PROX1: variants seen among roughly 807,000 people sequenced by gnomAD.
The protein encoded by PROX1 is prospero homeobox 1.
A neutral mutation model predicts 58.8 loss-of-function variants in PROX1; 7 were observed. The observed-to-expected ratio is 0.12, with a 90% CI of 0.07 to 0.22. PROX1 has a LOEUF of 0.22. Ranked by LOEUF, PROX1 falls within the 10% of genes least tolerant of loss-of-function variation. The pLI, the probability that PROX1 is intolerant of heterozygous loss-of-function variation, is 1.00. For missense variants in PROX1, 675 were observed against 927.8 expected (o/e 0.73, Z 3.54); for synonymous variants, 350 against 358.3 (o/e 0.98, Z 0.26).
chr1:213,992,512 A>G (rs967791626), intron 1 of PROX1, among the ~76,000 whole-genome samples: 5 of 152,244 alleles, frequency 3.3e-5, no homozygotes, highest in Admixed American at 6.5e-5. Flanking sequence ...ATTGATTTGA[A>G]ATATTCTTTG....
intron 4 of PROX1, among the ~76,000 whole-genome samples, chr1:214,013,675 C>T (rs1571825244): frequency 6.6e-6 from 1 of 152,108 alleles, no homozygotes; most frequent in Non-Finnish European, 1.5e-5. Context: ...AGGAGGTACC[C>T]GACAAGCTGC....
At chr1:214,029,587 A>G (rs1664575306) in intron 4 of PROX1, 1 of 152,240 alleles carries the variant, frequency 6.6e-6, no homozygotes, top group African/African-American at 2.4e-5. Flanking sequence ...ACAGGGACAA[A>G]AAGTAACTTT....
At chr1:213,991,174 T>C (rs1000409317) in intron 1 of PROX1, among the ~76,000 whole-genome samples, 1 of 152,230 alleles carries the variant, frequency 6.6e-6, no homozygotes, top group African/African-American at 2.4e-5. Flanking sequence ...AGCTAAGGAC[T>C]GTGGCTTGAT....
chr1:213,996,576 C>A lies in PROX1; in HGVS notation c.41C>A (p.Thr14Asn). 2 of 1,614,070 alleles carry A rather than the reference C, an allele frequency of 1.2e-6. No individual in the cohort carries two copies. The highest frequency in any genetic ancestry group is 1.7e-6 in the Non-Finnish European group (2 of 1,180,014). ...HDSTALLSRQ[T>N]KRRRVDIGVK... ...AGCACAGCCCTCTTAAGCCGGCAAA[C>A]CAAGAGGAGAAGAGTTGACATTGGA... Residue 14 changes from threonine to asparagine, a missense_variant, in exon 2 of 5, where the codon ACC becomes AAC. Around this residue, in one of 8 missense-constraint regions of PROX1, gnomAD observed 157 missense variants for 197.8 expected, o/e 0.79. Coordinates refer to ENST00000366958, the MANE Select transcript of PROX1 (RefSeq NM_001270616.2).
intron 4 of PROX1, among the ~76,000 whole-genome samples, chr1:214,017,117 T>A (rs1208230697): frequency 6.6e-6 from 1 of 152,154 alleles, no homozygotes; most frequent in Admixed American, 6.5e-5. Flanking sequence ...ATTATACAGC[T>A]TTCAATAGCA....
chr1:214,033,376 TC>T (rs1327277695), intron 4 of PROX1, among the ~76,000 whole-genome samples: 1 of 152,154 alleles, frequency 6.6e-6, no homozygotes, highest in Non-Finnish European at 1.5e-5. Context: ...GACGGGCAGA[TC>T]ACCTGAGGTT....
At chr1:214,023,450 G>A (rs906459552) in intron 4 of PROX1, among the ~76,000 whole-genome samples, 10 of 151,870 alleles carry the variant, frequency 6.6e-5, no homozygotes, top group East Asian at 1.9e-4. Context: ...TCCACCTCTC[G>A]GGCTCCAGCG....
Position 213,997,833 on chromosome 1 carries a change from C to T in PROX1, c.1298C>T (p.Thr433Ile). Residue 433 changes from threonine (T) to isoleucine (I), a missense_variant, in exon 2 of 5, where the codon ACT becomes ATT. Thr to Ile is a moderately conservative substitution (Grantham distance 89). Around this residue, in one of 8 missense-constraint regions of PROX1, gnomAD observed 403 missense variants for 477.4 expected, o/e 0.84. Transcript: ENST00000366958. The surrounding 1 kb of genome is among the most constrained non-coding windows in gnomAD (Gnocchi z 7.1). The part of the protein sequence containing the change: ...TFGNVQMASS[T>I]DQTEALPLVV... Reference sequence around the variant, plus strand: ...GGCAATGTGCAGATGGCCAGTTCCACTGACCAGACAGAAGCACTGCCCCTG... The same window carrying T: ...GGCAATGTGCAGATGGCCAGTTCCATTGACCAGACAGAAGCACTGCCCCTG... The T allele has an allele frequency of 6.2e-7, 1 of 1,614,224 alleles. No homozygotes were observed. Among genetic ancestry groups the T allele is most frequent in the Non-Finnish European group, 8.5e-7 (1 of 1,180,036 alleles).
chr1:213,997,215 C>A lies in PROX1; in HGVS notation c.680C>A (p.Ala227Asp). ...QQQSFQQLVS[A>D]RKEQKREERR... ...CAGAGTTTCCAGCAGCTGGTTTCAG[C>A]CCGAAAAGAACAGAAGCGAGAGGAG... is the stretch of plus-strand genomic sequence containing the variant. The change falls in exon 2 of 5, where the codon GCC becomes GAC. Residue 227 changes from alanine (A) to aspartate (D), a missense_variant. Coordinates refer to ENST00000366958, the MANE Select transcript of PROX1 (RefSeq NM_001270616.2). The surrounding 1 kb of genome is among the most constrained non-coding windows in gnomAD (Gnocchi z 7.1). The A allele has an allele frequency of 6.2e-7, 1 of 1,612,350 alleles. No individual in the cohort carries two copies. Among genetic ancestry groups the A allele is most frequent in the Non-Finnish European group, 8.5e-7 (1 of 1,179,542 alleles).
intron 3 of PROX1, among the ~76,000 whole-genome samples, chr1:214,008,510 A>T (rs1029012519): frequency 2.0e-5 from 3 of 152,204 alleles, no homozygotes; most frequent in African/African-American, 7.2e-5. Context: ...TCAAAGCCAC[A>T]CTTGGAGGAT....
At chr1:214,007,701 A>T (rs1663765090) in intron 3 of PROX1, among the ~76,000 whole-genome samples, 1 of 152,254 alleles carries the variant, frequency 6.6e-6, no homozygotes, top group South Asian at 2.1e-4. Flanking sequence ...ATACACATAT[A>T]CATATATACA....
At chr1:213,993,370 T>C (rs555698828) in intron 1 of PROX1, among the ~76,000 whole-genome samples, 7 of 152,316 alleles carry the variant, frequency 4.6e-5, no homozygotes, top group Non-Finnish European at 8.8e-5. Flanking sequence ...CAATAATAAT[T>C]GCAGGTGAAA....
Position 213,998,148 on chromosome 1 carries a change from G to C in PROX1, c.1613G>C (p.Cys538Ser). The change falls in exon 2 of 5, where the codon TGT becomes TCT. Residue 538 changes from cysteine to serine, a missense_variant. By Grantham distance (112) the Cys-to-Ser change is moderately radical. This residue lies in a region of PROX1 where 403 missense variants were observed against 477.4 expected (regional missense o/e 0.84). Transcript: ENST00000366958. ...MSSHHLSHHP[C>S]SPAHPPSTAE... ...TCTCACCACCTGAGCCACCACCCTT[G>C]TTCACCAGCACACCCGCCCAGCACC... 1 of 1,614,218 alleles carries C rather than the reference G, an allele frequency of 6.2e-7. No homozygotes were observed. The highest frequency in any genetic ancestry group is 8.5e-7 in the Non-Finnish European group (1 of 1,180,030).
chr1:214,014,395 C>T (rs1164084802), intron 4 of PROX1, among the ~76,000 whole-genome samples: 5 of 152,198 alleles, frequency 3.3e-5, no homozygotes, highest in Non-Finnish European at 7.3e-5. Flanking sequence ...TTTGAAGCTA[C>T]GTCTACACGG....
At chr1:214,034,748 A>G (rs1664774641) in intron 4 of PROX1, among the ~76,000 whole-genome samples, 2 of 152,146 alleles carry the variant, frequency 1.3e-5, no homozygotes, top group Admixed American at 6.5e-5. Flanking sequence ...TGGGGTTCTA[A>G]AATGAATATT....
intron 4 of PROX1, among the ~76,000 whole-genome samples, chr1:214,017,651 C>CA (rs960022085): frequency 6.6e-6 from 1 of 151,744 alleles, no homozygotes; most frequent in Non-Finnish European, 1.5e-5. Context: ...GGCGCACACA[C>CA]AAAAAAATCT....
rs1000387494 is a variant in PROX1 at position 214,011,602 on chromosome 1, G to T, written c.1915G>T (p.Ala639Ser). The change falls in exon 4 of 5, where the codon GCA becomes TCA. Residue 639 changes from alanine (A) to serine (S), a missense_variant. This residue lies in a region of PROX1 where 50 missense variants were observed against 79.3 expected (regional missense o/e 0.63). Transcript: ENST00000366958. ...EFYYIQMEKYARQAINDGVTS... is the reference protein window; with the variant it reads ...EFYYIQMEKYSRQAINDGVTS... Reference sequence around the variant, plus strand: ...TTACTACATTCAGATGGAGAAGTACGCACGTCAAGCCATCAACGATGGGGT... The same window carrying T: ...TTACTACATTCAGATGGAGAAGTACTCACGTCAAGCCATCAACGATGGGGT... 6.2e-7 allele frequency: 1 copy of T among 1,613,958 alleles called. No homozygotes were observed. Among genetic ancestry groups the T allele is most frequent in the Non-Finnish European group, 8.5e-7 (1 of 1,179,884 alleles).
At chr1:214,016,587 C>G (rs920652252) in intron 4 of PROX1, among the ~76,000 whole-genome samples, 23 of 152,130 alleles carry the variant, frequency 1.5e-4, no homozygotes, top group African/African-American at 5.6e-4. Flanking sequence ...CCTTGCCAGT[C>G]CCACCGTTGA....
intron 4 of PROX1, among the ~76,000 whole-genome samples, chr1:214,033,368 C>T (rs1274146239): frequency 3.9e-5 from 6 of 152,250 alleles, no homozygotes; most frequent in African/African-American, 9.6e-5. Context: ...GAGGCCAAGA[C>T]GGGCAGATCA....
Sources: gnomAD v4.1 joint callset for allele counts (sites outside exome capture counted in the v4.1 genomes callset) on GRCh38, gnomAD v4.1.1 for gene constraint, gnomAD v4.1.1 regional missense constraint, Gnocchi (gnomAD v3.1) non-coding constraint, MANE v1.5 for transcripts, NCBI Gene and HGNC (gene_info 2026-07-23, HGNC 2026-07-21) for gene names.